SYNE1: variants seen among roughly 807,000 people sequenced by gnomAD.
SYNE1 encodes the protein nesprin-1.
A neutral mutation model predicts 1,111.0 loss-of-function variants in SYNE1; 616 were observed. That is an observed-to-expected ratio of 0.55 (90% confidence interval 0.52 to 0.59). The LOEUF is 0.59. Ranked by LOEUF, SYNE1 falls within the 20% of genes least tolerant of loss-of-function variation. The pLI is 0.00. For synonymous variants in SYNE1, 3,855 were observed against 3,825.8 expected (o/e 1.01, Z -0.28); for missense variants, 10,006 against 10,417.0 (o/e 0.96, Z 1.72).
intron 10 of SYNE1, among the ~76,000 whole-genome samples, 160 bp downstream of exon 10, chr6:152,502,473 C>T (rs1173814176): frequency 6.6e-6 from 1 of 152,170 alleles, no homozygotes; most frequent in Non-Finnish European, 1.5e-5. Context: ...CAGAAAAACC[C>T]TTTCCTCTAA....
intron 132 of SYNE1, 71 bp downstream of exon 132, chr6:152,155,839 G>T (rs1377404784): frequency 3.8e-6 from 6 of 1,573,128 alleles, no homozygotes; most frequent in Non-Finnish European, 5.2e-6. Context: ...GTGAACAGTG[G>T]ATACTCTGGG....
chr6:152,129,647 A>G (rs1240649576), intron 145 of SYNE1: 1 of 151,932 alleles, frequency 6.6e-6, no homozygotes, highest in Non-Finnish European at 1.5e-5. Flanking sequence ...CTAAAACCAG[A>G]GAACATATGA....
intron 6 of SYNE1, among the ~76,000 whole-genome samples, chr6:152,517,560 T>A (rs932663204): frequency 6.6e-6 from 1 of 152,208 alleles, no homozygotes; most frequent in Non-Finnish European, 1.5e-5. Flanking sequence ...TGTTTGTGTT[T>A]TAAAAATACT....
intron 62 of SYNE1, among the ~76,000 whole-genome samples, chr6:152,365,366 T>A (rs894998466): frequency 6.6e-6 from 1 of 152,234 alleles, no homozygotes; most frequent in Admixed American, 6.5e-5. Context: ...TTATAAATGT[T>A]ATGGTCTCTA....
chr6:152,497,215 G>GCACT (rs1413281096), intron 11 of SYNE1, among the ~76,000 whole-genome samples: 2 of 152,244 alleles, frequency 1.3e-5, no homozygotes, highest in East Asian at 3.9e-4. Context: ...ACAGTGTCTG[G>GCACT]CACTCAGAAT....
chr6:152,387,349 T>C lies in SYNE1; in HGVS notation c.8210A>G (p.Asp2737Gly), dbSNP rs886044469. Residue 2737 changes from aspartate (D) to glycine (G), a missense_variant, in exon 54 of 146, where the codon GAC (aspartate) becomes GGC (glycine). Coordinates refer to ENST00000367255, the MANE Select transcript of SYNE1 (RefSeq NM_182961.4). ...CAACTGGTTTTTCCTCTCTACATAG[T>C]CATTCCATTGGCTAATCACAGACTC... is the stretch of plus-strand genomic sequence containing the variant. Reference protein sequence around the residue: ...TLESVISQWNDYVERKNQLEQ... With the variant: ...TLESVISQWNGYVERKNQLEQ... 1.2e-6 allele frequency: 2 copies of C among 1,614,188 alleles called. No individual in the cohort carries two copies. Among genetic ancestry groups the C allele is most frequent in the African/African-American group, 1.3e-5 (1 of 75,068 alleles).
Position 152,416,668 on chromosome 6 carries a change from G to T in SYNE1, c.5769C>A (p.Ala1923=). The change falls in exon 41 of 146, where the codon GCC becomes GCA. Residue 1923 remains alanine, a synonymous_variant. Coordinates refer to ENST00000367255, the MANE Select transcript of SYNE1 (RefSeq NM_182961.4). ...LQNAKALESA[A]VSLDGILSKA... ...TGGAAAGAATGCCATCCAGACTGAC[G>T]GCAGCAGATTCTAATGCTTTAGCAT... 6.2e-7 allele frequency: 1 copy of T among 1,614,164 alleles called. No homozygotes were observed. Among genetic ancestry groups the T allele is most frequent in the African/African-American group, 1.3e-5 (1 of 75,028 alleles).
At chr6:152,250,250 T>A (rs2088757012) in intron 104 of SYNE1, among the ~76,000 whole-genome samples, 3 of 151,002 alleles carry the variant, frequency 2.0e-5, no homozygotes, top group Middle Eastern at 3.4e-3. Context: ...GGTGACTTTA[T>A]CTCAAAAAAA....
At chr6:152,348,462 A>G (rs1435298232) in intron 72 of SYNE1, among the ~76,000 whole-genome samples, 1 of 152,204 alleles carries the variant, frequency 6.6e-6, no homozygotes, top group Non-Finnish European at 1.5e-5. Context: ...AGACTGGTGG[A>G]TCACCTGAGG....
At chr6:152,485,059 T>C in intron 12 of SYNE1, 87 bp from the exon 13 acceptor site, 1 of 1,397,784 alleles carries the variant, frequency 7.2e-7, no homozygotes, top group East Asian at 2.4e-5. Flanking sequence ...AACAATCTTT[T>C]CTATTTGGAT....
chr6:152,221,307 A>G, intron 118 of SYNE1, 119 bp downstream of exon 118: 1 of 1,302,532 alleles, frequency 7.7e-7, no homozygotes, highest in Non-Finnish European at 1.1e-6. Context: ...GTTGTGAAAG[A>G]GAAGTTTAAA....
intron 35 of SYNE1, 98 bp downstream of exon 35, chr6:152,430,384 T>C (rs2098417927): frequency 8.2e-7 from 1 of 1,224,714 alleles, no homozygotes. Context: ...ACAAATTATG[T>C]CTTTCTCTTA....
chr6:152,283,788 G>T (rs1276750687), intron 96 of SYNE1, among the ~76,000 whole-genome samples, 190 bp downstream of exon 96: 1 of 152,154 alleles, frequency 6.6e-6, no homozygotes, highest in African/African-American at 2.4e-5. Context: ...ACCTGCCTCA[G>T]CCTCCCAAAG....
intron 131 of SYNE1, among the ~76,000 whole-genome samples, chr6:152,163,501 G>GA (rs35413195): frequency 0.42 from 48,018 of 114,402 alleles, 10,541 homozygotes; most frequent in African/African-American, 0.6. Flanking sequence ...TCTGTCTCAG[G>GA]AAAAAAAAAA....
intron 135 of SYNE1, among the ~76,000 whole-genome samples, chr6:152,150,442 A>G (rs2060207921): frequency 6.6e-6 from 1 of 152,232 alleles, no homozygotes. Context: ...GGAAGGATGT[A>G]AATGTTGATT....
intron 99 of SYNE1, 72 bp from the exon 100 acceptor site, chr6:152,268,237 C>G: frequency 8.0e-7 from 1 of 1,251,852 alleles, no homozygotes; most frequent in South Asian, 1.2e-5. Context: ...ATAGTTCTAG[C>G]TATAAAATTC....
At chr6:152,532,499 A>G (rs2099208649) in intron 4 of SYNE1, among the ~76,000 whole-genome samples, 2 of 152,218 alleles carry the variant, frequency 1.3e-5, no homozygotes, top group African/African-American at 4.8e-5. Context: ...GAACCAGAAA[A>G]TGCTTAGAAG....
chr6:152,482,511 C>A (rs546367123), intron 14 of SYNE1, among the ~76,000 whole-genome samples: 2 of 152,102 alleles, frequency 1.3e-5, no homozygotes, highest in African/African-American at 2.4e-5. Context: ...TAATGAAAAA[C>A]GGCATTTTTA....
chr6:152,385,398 T>C (rs2097510077), intron 55 of SYNE1, among the ~76,000 whole-genome samples: 2 of 152,222 alleles, frequency 1.3e-5, no homozygotes, highest in Admixed American at 1.3e-4. Flanking sequence ...TCTGGTTTTG[T>C]CAGCCCACCA....
Sources: gnomAD v4.1 joint callset for allele counts (sites outside exome capture counted in the v4.1 genomes callset) on GRCh38, gnomAD v4.1.1 for gene constraint, MANE v1.5 for transcripts, NCBI Gene and HGNC (gene_info 2026-07-23, HGNC 2026-07-21) for gene names.